SORCS2: variants seen among roughly 807,000 people sequenced by gnomAD.
SORCS2 encodes the protein sortilin related VPS10 domain containing receptor 2.
Under a neutral mutation model 141.6 loss-of-function variants are expected in SORCS2, and 100 were observed. The observed-to-expected ratio is 0.71, with a 90% CI of 0.60 to 0.83. The LOEUF (loss-of-function observed/expected upper bound fraction) is 0.83, where lower values mean the gene tolerates loss of function less well. Among genes scored for constraint, SORCS2 ranks in the 40% least tolerant of loss-of-function variants. The probability of loss-of-function intolerance (pLI) is 0.00; values close to 1 mark genes in which losing one functional copy is unlikely to be tolerated. For missense variants in SORCS2, 1,646 were observed against 1,560.2 expected (o/e 1.05, Z -0.93); for synonymous variants, 789 against 676.9 (o/e 1.17, Z -2.57).
chr4:7,297,567 G>T (rs1577369474), intron 1 of SORCS2, among the ~76,000 whole-genome samples: 1 of 152,292 alleles, frequency 6.6e-6, no homozygotes, highest in South Asian at 2.1e-4. Flanking sequence ...GGGCAGAGAG[G>T]GCTGTGCTCA....
intron 3 of SORCS2, among the ~76,000 whole-genome samples, chr4:7,578,283 C>G (rs1479875894): frequency 2.6e-5 from 4 of 152,160 alleles, no homozygotes; most frequent in African/African-American, 9.7e-5. Context: ...TTTCCAGTCA[C>G]CATAATCATG....
chr4:7,531,500 T>C (rs147622320), intron 2 of SORCS2, 30 bp from the exon 3 acceptor site: 48,893 of 1,605,240 alleles, frequency 0.03, 938 homozygotes, highest in Middle Eastern at 0.068. Context: ...GGAGGGTACA[T>C]GGCTGACGGC....
chr4:7,242,680 C>G (rs1417961447), intron 1 of SORCS2, among the ~76,000 whole-genome samples: 1 of 152,178 alleles, frequency 6.6e-6, no homozygotes, highest in Non-Finnish European at 1.5e-5. Context: ...AGGCCCAATT[C>G]AAATGTTAGC....
intron 9 of SORCS2, among the ~76,000 whole-genome samples, chr4:7,676,799 TTCTGTCTCTCTCTCTCTC>T (rs1560475500): frequency 1.8e-3 from 57 of 32,350 alleles, no homozygotes; most frequent in South Asian, 2.6e-3. Context: ...AAGTCTGCCT[TTCTGTCTCTCTCTCTCTC>T]TCTCTCTCTC....
At chr4:7,372,287 A>T (rs1253303302) in intron 1 of SORCS2, among the ~76,000 whole-genome samples, 1 of 152,162 alleles carries the variant, frequency 6.6e-6, no homozygotes, top group Non-Finnish European at 1.5e-5. Flanking sequence ...TATAAATTAC[A>T]TGTAGTAAAA....
intron 2 of SORCS2, among the ~76,000 whole-genome samples, chr4:7,470,183 TCCTCCCATC>T (rs368376320): frequency 1.3e-5 from 2 of 151,506 alleles, no homozygotes; most frequent in South Asian, 2.1e-4. Flanking sequence ...CATCCTCCCA[TCCTCCCATC>T]CCTCCCATCC....
At chr4:7,302,628 G>A (rs555549337) in intron 1 of SORCS2, among the ~76,000 whole-genome samples, 1 of 152,266 alleles carries the variant, frequency 6.6e-6, no homozygotes, top group Admixed American at 6.5e-5. Flanking sequence ...AATGACCACA[G>A]TTGGACTTAA....
intron 1 of SORCS2, among the ~76,000 whole-genome samples, chr4:7,232,565 T>A (rs1363181001): frequency 6.6e-6 from 1 of 152,208 alleles, no homozygotes; most frequent in Non-Finnish European, 1.5e-5. Flanking sequence ...CCAAGCCTCG[T>A]GGTCCGTGAC....
At chr4:7,265,736 T>G (rs1317441642) in intron 1 of SORCS2, among the ~76,000 whole-genome samples, 2 of 152,164 alleles carry the variant, frequency 1.3e-5, no homozygotes, top group Non-Finnish European at 2.9e-5. Context: ...CTGGAGATCT[T>G]TAATCACATC....
chr4:7,353,151 A>C (rs1406775127), intron 1 of SORCS2, among the ~76,000 whole-genome samples: 5 of 152,238 alleles, frequency 3.3e-5, no homozygotes, highest in Non-Finnish European at 7.4e-5. Flanking sequence ...GGGGACCAAA[A>C]TCTAGGGGCC....
intron 11 of SORCS2, among the ~76,000 whole-genome samples, chr4:7,695,942 G>A (rs1186573256): frequency 1.8e-4 from 23 of 130,834 alleles, no homozygotes; most frequent in Admixed American, 3.7e-4. Context: ...GTGGGTGGGT[G>A]GATGGATGGA....
intron 2 of SORCS2, among the ~76,000 whole-genome samples, chr4:7,411,049 G>A (rs780296680): frequency 2.9e-5 from 4 of 136,238 alleles, no homozygotes; most frequent in African/African-American, 5.4e-5. Context: ...TCTGCCTCCC[G>A]GGTTCAAGCG....
chr4:7,287,439 G>A (rs183182423), intron 1 of SORCS2, among the ~76,000 whole-genome samples: 4 of 152,364 alleles, frequency 2.6e-5, no homozygotes, highest in African/African-American at 7.2e-5. Flanking sequence ...GGAGCTGGGC[G>A]TGGGGGCACA....
At chr4:7,404,189 G>A (rs1351260705) in intron 2 of SORCS2, among the ~76,000 whole-genome samples, 4 of 151,686 alleles carry the variant, frequency 2.6e-5, no homozygotes, top group African/African-American at 9.7e-5. Context: ...TCATGTTCAT[G>A]GCTGAGTAGT....
At chr4:7,504,733 C>A (rs898886044) in intron 2 of SORCS2, among the ~76,000 whole-genome samples, 1 of 152,190 alleles carries the variant, frequency 6.6e-6, no homozygotes, top group Non-Finnish European at 1.5e-5. Context: ...AGCTTGAACA[C>A]GGGGACCGCA....
intron 1 of SORCS2, among the ~76,000 whole-genome samples, chr4:7,382,175 G>A (rs1723032201): frequency 6.6e-6 from 1 of 152,166 alleles, no homozygotes; most frequent in Non-Finnish European, 1.5e-5. Flanking sequence ...CCTCAGAGCA[G>A]GGCAAAGCTG....
At chr4:7,416,697 C>T (rs1191365522) in intron 2 of SORCS2, among the ~76,000 whole-genome samples, 3 of 147,824 alleles carry the variant, frequency 2.0e-5, no homozygotes, top group African/African-American at 5.0e-5. Flanking sequence ...CGCATGCATG[C>T]ACTCACTCAC....
chr4:7,720,752 G>A (rs1286654230), intron 18 of SORCS2, among the ~76,000 whole-genome samples: 2 of 152,130 alleles, frequency 1.3e-5, no homozygotes, highest in African/African-American at 2.4e-5. Flanking sequence ...GATGACAAAC[G>A]CCATCAGCCG....
chr4:7,741,562 A>AG lies in SORCS2; in HGVS notation c.*1303dup. 3 of 287,356 alleles carry AG rather than the reference A, an allele frequency of 1.0e-5. No individual in the cohort carries two copies. The highest frequency in any genetic ancestry group is 1.3e-5 in the Non-Finnish European group (2 of 155,824). The allele number at this position is 287,356 out of a possible 1,614,324, so 17.8% of individuals were successfully genotyped here. A position where few individuals can be genotyped will look rare whatever the true frequency, so the allele number is the denominator to read the frequency against. On this transcript the variant is annotated 3_prime_UTR_variant, in exon 27 of 27. Transcript: ENST00000507866. ...CAGATGACCGTGGCCTCCCTCTCAG[A>AG]GGGGGAGAACGCCAGAGCCCTGGCT...
Sources: allele counts gnomAD v4.1 joint callset (sites outside exome capture counted in the v4.1 genomes callset), GRCh38; gene constraint gnomAD v4.1.1; transcripts MANE v1.5; gene names NCBI Gene and HGNC (gene_info 2026-07-23, HGNC 2026-07-21).